Variants in CPA6 observed in about 807,000 individuals in gnomAD.
CPA6 encodes carboxypeptidase B.
Under a neutral mutation model 63.3 loss-of-function variants are expected in CPA6, and 58 were observed. That is an observed-to-expected ratio of 0.92 (90% CI 0.74 to 1.14). The LOEUF is 1.14. Ranked by LOEUF, CPA6 falls within the 50% of genes most tolerant of loss-of-function variation. The probability of loss-of-function intolerance (pLI) is 0.00; values close to 1 mark genes in which losing one functional copy is unlikely to be tolerated. For missense variants in CPA6, 565 were observed against 526.6 expected (o/e 1.07, Z -0.71); for synonymous variants, 185 against 179.0 (o/e 1.03, Z -0.27).
chr8:67,443,392 A>G lies in CPA6; in HGVS notation c.839-9152T>C, dbSNP rs147877821. Among the ~76,000 whole-genome samples the G allele has an allele frequency of 2.5e-3, 384 of 152,052 alleles. 6 individuals are homozygous for G. The highest frequency in any genetic ancestry group is 8.8e-3 in the African/African-American group (365 of 41,490). ...TGCCTATTCTTGCTTCCTCTTCTTTATTCTTCAAAGGTGTTTCCTTCGAAT... is the reference window on the plus strand; with the variant it reads ...TGCCTATTCTTGCTTCCTCTTCTTTGTTCTTCAAAGGTGTTTCCTTCGAAT... On this transcript the variant is annotated intron_variant, in intron 8 of 10. Transcript: ENST00000297770.
At chr8:67,708,385 T>G (rs1817184234) in intron 1 of CPA6, among the ~76,000 whole-genome samples, 1 of 152,216 alleles carries the variant, frequency 6.6e-6, no homozygotes, top group Non-Finnish European at 1.5e-5. Context: ...ATACCTTTTA[T>G]TAGATTCTAA....
In CPA6 at chr8:67,658,272, A is replaced by G. The variant is rs543182319; in HGVS notation, c.117-34021T>C. ...TGCAACATGTATTGTGCTGATTGTA[A>G]TGCTTTCTTTTTATGACTGTCTCCC... is the stretch of plus-strand genomic sequence containing the variant. On this transcript the variant is annotated intron_variant, in intron 1 of 10. Transcript: ENST00000297770. Among the ~76,000 whole-genome samples the G allele has an allele frequency of 3.9e-5, 6 of 152,220 alleles. No homozygotes were observed. The East Asian group carries it at 7.7e-4, about 20-fold the overall frequency.
At chr8:67,610,140 T>C (rs768064202) in intron 2 of CPA6, among the ~76,000 whole-genome samples, 7 of 152,208 alleles carry the variant, frequency 4.6e-5, no homozygotes, top group African/African-American at 7.2e-5. Context: ...TTCAGGAGGC[T>C]GAGGCAGGAG....
At chr8:67,504,484 T>C (rs1449940617) in intron 6 of CPA6, among the ~76,000 whole-genome samples, 5 of 152,192 alleles carry the variant, frequency 3.3e-5, no homozygotes, top group Middle Eastern at 3.2e-3. Context: ...CTGTTTTCTC[T>C]TGCTTTCTCT....
chr8:67,678,207 G>A (rs1427451811), intron 1 of CPA6, among the ~76,000 whole-genome samples: 2 of 137,950 alleles, frequency 1.4e-5, no homozygotes, highest in Non-Finnish European at 1.6e-5. Flanking sequence ...CAGCCTGGGA[G>A]ATAATTGTAA....
At chr8:67,544,759 C>T (rs761971371) in intron 2 of CPA6, among the ~76,000 whole-genome samples, 14 of 152,184 alleles carry the variant, frequency 9.2e-5, no homozygotes, top group Non-Finnish European at 4.4e-5. Flanking sequence ...ATATATCTTT[C>T]GTACAACTTA....
chr8:67,456,704 A>G (rs544628085), intron 8 of CPA6, among the ~76,000 whole-genome samples: 2 of 152,344 alleles, frequency 1.3e-5, no homozygotes, highest in Non-Finnish European at 2.9e-5. Flanking sequence ...GTCCTAATCC[A>G]TGGAAACTGT....
intron 2 of CPA6, among the ~76,000 whole-genome samples, chr8:67,570,304 A>G (rs1299870812): frequency 2.0e-5 from 3 of 152,262 alleles, no homozygotes; most frequent in Admixed American, 6.5e-5. Context: ...TTACCTTTAC[A>G]GGAATTGCTA....
At chr8:67,470,711 C>T (rs1469629184) in intron 8 of CPA6, among the ~76,000 whole-genome samples, 3 of 151,922 alleles carry the variant, frequency 2.0e-5, no homozygotes, top group Non-Finnish European at 4.4e-5. Flanking sequence ...TTTTTTTTCA[C>T]ATGGTTGCTT....
At chr8:67,712,980 T>TCATGATTA (rs955828860) in intron 1 of CPA6, among the ~76,000 whole-genome samples, 2 of 150,652 alleles carry the variant, frequency 1.3e-5, no homozygotes, top group Admixed American at 1.3e-4. Context: ...GTGCAAAGAG[T>TCATGATTA]CATGATTAAA....
At chr8:67,566,597 C>G (rs1004698422) in intron 2 of CPA6, among the ~76,000 whole-genome samples, 3 of 152,206 alleles carry the variant, frequency 2.0e-5, no homozygotes, top group Non-Finnish European at 4.4e-5. Context: ...CTCCTGACTT[C>G]CATTCCCTAT....
chr8:67,629,629 T>TG (rs1815274392), intron 1 of CPA6, among the ~76,000 whole-genome samples: 1 of 152,154 alleles, frequency 6.6e-6, no homozygotes, highest in Non-Finnish European at 1.5e-5. Context: ...TAGCGGTTGT[T>TG]GCAGTGGTGG....
intron 2 of CPA6, among the ~76,000 whole-genome samples, chr8:67,607,309 A>C (rs1166708402): frequency 6.8e-6 from 1 of 147,358 alleles, no homozygotes; most frequent in Non-Finnish European, 1.5e-5. Context: ...CCTGGCCCCC[A>C]TGCCTTTCCA....
In CPA6 at chr8:67,520,674, G is replaced by C. The variant is rs141800075; in HGVS notation, c.193-2627C>G. On this transcript the variant is annotated intron_variant, in intron 2 of 10. Coordinates refer to ENST00000297770, the MANE Select transcript of CPA6 (RefSeq NM_020361.5). The stretch of plus-strand genomic sequence containing the variant: ...ATCTTTTCAATAACACTTTGAGGAG[G>C]AATTAATTGTAGATACATTTAATGA... Among the ~76,000 whole-genome samples the C allele has an allele frequency of 1.4e-4, 22 of 152,190 alleles. No homozygotes were observed. The East Asian group carries it at 2.5e-3, about 17-fold the overall frequency.
chr8:67,537,466 C>A (rs554230204), intron 2 of CPA6, among the ~76,000 whole-genome samples: 30 of 152,280 alleles, frequency 2.0e-4, no homozygotes, highest in South Asian at 1.9e-3. Context: ...TGTAGATTTT[C>A]TAGCTTATTT....
intron 8 of CPA6, among the ~76,000 whole-genome samples, chr8:67,459,015 A>G (rs1810739695): frequency 6.6e-6 from 1 of 152,276 alleles, no homozygotes; most frequent in Admixed American, 6.5e-5. Context: ...TACTCTTGCC[A>G]TATGATCCAG....
At chr8:67,607,247 T>TTCTTCTTCTTCTTCC (rs1814687785) in intron 2 of CPA6, among the ~76,000 whole-genome samples, 1 of 129,138 alleles carries the variant, frequency 7.7e-6, no homozygotes, top group Non-Finnish European at 1.6e-5. Context: ...CTTCTTCTTC[T>TTCTTCTTCTTCTTCC]TCTTCTCCTC....
intron 8 of CPA6, among the ~76,000 whole-genome samples, chr8:67,478,544 T>G (rs185291331): frequency 4.0e-4 from 61 of 152,302 alleles, no homozygotes; most frequent in African/African-American, 1.3e-3. Context: ...TTTAGGTAGA[T>G]AGAGTCAGAA....
intron 1 of CPA6, among the ~76,000 whole-genome samples, chr8:67,714,403 AT>A (rs1355445466): frequency 6.6e-6 from 1 of 152,218 alleles, no homozygotes; most frequent in Non-Finnish European, 1.5e-5. Context: ...TAGTATCCTA[AT>A]TCTGAGCTAA....
Sources: allele counts gnomAD v4.1 joint callset (sites outside exome capture counted in the v4.1 genomes callset), GRCh38; gene constraint gnomAD v4.1.1; transcripts MANE v1.5; gene names NCBI Gene and HGNC (gene_info 2026-07-23, HGNC 2026-07-21).